The following TRIP4 variants were observed in gnomAD, a reference collection of about 807,000 sequenced individuals.
The protein encoded by TRIP4 is thyroid hormone receptor interactor 4.
TRIP4 carries 54 observed loss-of-function variants against 81.8 expected under a neutral mutation model. The observed-to-expected ratio is 0.66, with a 90% CI of 0.53 to 0.83. The LOEUF is 0.83. Ranked by LOEUF, TRIP4 falls within the 40% of genes least tolerant of loss-of-function variation. The pLI is 0.00. For missense variants in TRIP4, 662 were observed against 683.6 expected (o/e 0.97, Z 0.35); for synonymous variants, 270 against 242.8 (o/e 1.11, Z -1.04).
intron 11 of TRIP4, among the ~76,000 whole-genome samples, chr15:64,428,087 A>G (rs1008183069): frequency 1.6e-4 from 25 of 152,114 alleles, no homozygotes; most frequent in Non-Finnish European, 2.5e-4. Flanking sequence ...TTCCTGGGAT[A>G]TGTATTTGCG....
At chr15:64,429,152 T>C (rs937254150) in intron 11 of TRIP4, among the ~76,000 whole-genome samples, 3 of 151,730 alleles carry the variant, frequency 2.0e-5, no homozygotes, top group Non-Finnish European at 4.4e-5. Flanking sequence ...CCGTCTCTAC[T>C]AAAAAACTAC....
intron 4 of TRIP4, among the ~76,000 whole-genome samples, chr15:64,398,564 C>T (rs1020948873): frequency 4.0e-5 from 6 of 151,796 alleles, no homozygotes; most frequent in African/African-American, 1.2e-4. Flanking sequence ...AGTGAGACAG[C>T]GAGTCCTTAT....
intron 12 of TRIP4, chr15:64,450,571 C>G (rs559496307): frequency 2.4e-6 from 1 of 425,236 alleles, no homozygotes; most frequent in Non-Finnish European, 4.8e-6. Flanking sequence ...AGAGTTGCCT[C>G]TATTGGCAAT....
chr15:64,400,612 G>A (rs1394691489), intron 4 of TRIP4, 131 bp from the exon 5 acceptor site: 6 of 661,506 alleles, frequency 9.1e-6, no homozygotes, highest in Non-Finnish European at 1.5e-5. Context: ...GGTGTGTTTG[G>A]ATTAAAAAAC....
chr15:64,400,548 TAAAA>T (rs1891473636), intron 4 of TRIP4, among the ~76,000 whole-genome samples, 191 bp from the exon 5 acceptor site: 1 of 150,966 alleles, frequency 6.6e-6, no homozygotes, highest in African/African-American at 2.4e-5. Flanking sequence ...GTTTGGGTCA[TAAAA>T]AAGAAATGGA....
chr15:64,452,787 T>C (rs1158617802), intron 12 of TRIP4, among the ~76,000 whole-genome samples: 1 of 152,210 alleles, frequency 6.6e-6, no homozygotes, highest in African/African-American at 2.4e-5. Context: ...ACCTTCAGTA[T>C]TGTATAGTCC....
chr15:64,432,413 AGACCAGCTT>A (rs1161088224), intron 11 of TRIP4, among the ~76,000 whole-genome samples: 1 of 130,150 alleles, frequency 7.7e-6, no homozygotes, highest in African/African-American at 2.8e-5. Flanking sequence ...CAGGCTCTTG[AGACCAGCTT>A]GACCAGCTTG....
intron 1 of TRIP4, among the ~76,000 whole-genome samples, chr15:64,390,051 TATATTAA>T (rs1009558431): frequency 5.5e-5 from 8 of 146,456 alleles, no homozygotes; most frequent in African/African-American, 1.2e-4. Context: ...AAATATCAAA[TATATTAA>T]ATATTAAATA....
At chr15:64,417,001 T>C (rs979793698) in intron 8 of TRIP4, among the ~76,000 whole-genome samples, 3 of 152,072 alleles carry the variant, frequency 2.0e-5, no homozygotes, top group Non-Finnish European at 4.4e-5. Context: ...TATAAGTTAT[T>C]TTATGTTCAT....
At chr15:64,441,357 C>T (rs1422920464) in intron 11 of TRIP4, among the ~76,000 whole-genome samples, 1 of 152,026 alleles carries the variant, frequency 6.6e-6, no homozygotes. Flanking sequence ...TAGGCATGGT[C>T]CTAGATGCTG....
At chr15:64,449,177 A>C (rs1451918152) in intron 12 of TRIP4, among the ~76,000 whole-genome samples, 1 of 151,698 alleles carries the variant, frequency 6.6e-6, no homozygotes, top group African/African-American at 2.4e-5. Context: ...GCAATACTGC[A>C]CTCCAGCCTG....
Position 64,418,737 on chromosome 15 carries a change from A to T in TRIP4, c.1358+9A>T. ...GTCAGAGGGATTAAAAGGTAAGAAT[A>T]AAAATGAATCTGGGCAGTGGAAGAT... On this transcript the variant is annotated intron_variant, in intron 9 of 12. Transcript: ENST00000261884. 5 of 1,600,792 alleles carry T rather than the reference A, an allele frequency of 3.1e-6. No individual in the cohort carries two copies. The highest frequency in any genetic ancestry group is 4.3e-6 in the Non-Finnish European group (5 of 1,174,384).
intron 11 of TRIP4, among the ~76,000 whole-genome samples, chr15:64,434,542 C>T (rs1204061249): frequency 6.6e-6 from 1 of 151,360 alleles, no homozygotes; most frequent in Non-Finnish European, 1.5e-5. Flanking sequence ...GAGGCATTAA[C>T]ATGATCTGAG....
chr15:64,395,056 G>C (rs901884028), intron 2 of TRIP4, among the ~76,000 whole-genome samples: 1 of 151,992 alleles, frequency 6.6e-6, no homozygotes, highest in African/African-American at 2.4e-5. Flanking sequence ...CTGTTGTCCA[G>C]GGTGCTCTCA....
chr15:64,442,001 G>A lies in TRIP4; in HGVS notation c.1576-3005G>A, dbSNP rs78302099. Among the ~76,000 whole-genome samples the A allele has an allele frequency of 5.9e-5, 9 of 152,210 alleles. No homozygotes were observed. The East Asian group carries it at 1.7e-3, about 29-fold the overall frequency. ...AGGCAAGTGCAAAAAACCTGAGGCAGGAACAACAAGGAAGCCAGTGTGGCA... is the reference window on the plus strand; with the variant it reads ...AGGCAAGTGCAAAAAACCTGAGGCAAGAACAACAAGGAAGCCAGTGTGGCA... On this transcript the variant is annotated intron_variant, in intron 11 of 12. Coordinates refer to ENST00000261884, the MANE Select transcript of TRIP4 (RefSeq NM_016213.5).
chr15:64,424,188 T>G (rs769264677), intron 10 of TRIP4, 33 bp downstream of exon 10: 2 of 1,612,754 alleles, frequency 1.2e-6, no homozygotes. Flanking sequence ...TCAATTTTAC[T>G]TTATGGAGAG....
chr15:64,403,201 G>C (rs1165323509), intron 5 of TRIP4, among the ~76,000 whole-genome samples: 3 of 151,076 alleles, frequency 2.0e-5, no homozygotes, highest in African/African-American at 7.3e-5. Flanking sequence ...CTTTCGCCCG[G>C]GCTGGAGTGC....
At chr15:64,394,328 G>A (rs971209124) in intron 2 of TRIP4, among the ~76,000 whole-genome samples, 3 of 152,162 alleles carry the variant, frequency 2.0e-5, no homozygotes, top group East Asian at 3.9e-4. Flanking sequence ...CAAAAAGGCC[G>A]GGCGTGGTGG....
chr15:64,412,224 C>T (rs1178515106), intron 7 of TRIP4, among the ~76,000 whole-genome samples: 1 of 152,084 alleles, frequency 6.6e-6, no homozygotes, highest in Admixed American at 6.6e-5. Flanking sequence ...TCTGGATATA[C>T]TTATCATTTT....
Sources: allele counts gnomAD v4.1 joint callset (sites outside exome capture counted in the v4.1 genomes callset), GRCh38; gene constraint gnomAD v4.1.1; transcripts MANE v1.5; gene names NCBI Gene and HGNC (gene_info 2026-07-23, HGNC 2026-07-21).